Variants in MROH2B observed in about 807,000 individuals in gnomAD.
MROH2B encodes the protein maestro heat like repeat family member 2B.
MROH2B carries 177 observed loss-of-function variants against 208.6 expected under a neutral mutation model. That is an observed-to-expected ratio of 0.85 (90% CI 0.75 to 0.96). The LOEUF (loss-of-function observed/expected upper bound fraction) is 0.96, where lower values mean the gene tolerates loss of function less well. MROH2B is among the 40% of genes least tolerant of loss of function. The pLI, the probability that MROH2B is intolerant of heterozygous loss-of-function variation, is 0.00. For missense variants in MROH2B, 2,002 were observed against 1,878.7 expected (o/e 1.07, Z -1.21); for synonymous variants, 728 against 659.0 (o/e 1.10, Z -1.60).
At chr5:41,041,554 G>C (rs535190905) in intron 19 of MROH2B, among the ~76,000 whole-genome samples, 1 of 152,252 alleles carries the variant, frequency 6.6e-6, no homozygotes, top group East Asian at 1.9e-4. Context: ...AACCTGGGAG[G>C]CAGAGTTTGC....
At chr5:41,004,612 G>A in intron 36 of MROH2B, 84 bp from the exon 37 acceptor site, 1 of 1,513,224 alleles carries the variant, frequency 6.6e-7, no homozygotes, top group Non-Finnish European at 8.8e-7. Flanking sequence ...CAAGAGGACT[G>A]AAATTTTGTC....
chr5:41,013,628 C>A (rs888662401), intron 29 of MROH2B, among the ~76,000 whole-genome samples: 1 of 152,164 alleles, frequency 6.6e-6, no homozygotes. Context: ...GTTATTAGAT[C>A]AAAGGACTAT....
chr5:41,004,254 G>T, intron 37 of MROH2B, 92 bp downstream of exon 37: 1 of 1,430,616 alleles, frequency 7.0e-7, no homozygotes, highest in Non-Finnish European at 9.4e-7. Context: ...GAATATGGGT[G>T]GGACACTGAC....
In MROH2B at chr5:40,999,716, T is replaced by C. The variant is rs1741323497; in HGVS notation, c.4546A>G (p.Thr1516Ala). ...HTHSFTFFTSTWEVIRSAAVK... is the reference protein window; with the variant it reads ...HTHSFTFFTSAWEVIRSAAVK... ...GCTGCACTCCTGATCACCTCCCAGG[T>C]GCTGGTGAAGAAGGTGAAGGAGTGT... is the stretch of plus-strand genomic sequence containing the variant. Residue 1516 changes from threonine (T) to alanine (A), a missense_variant, in exon 40 of 42, where the codon ACC (threonine) becomes GCC (alanine). By Grantham distance (58) the Thr-to-Ala change is moderately conservative (BLOSUM62 0). Coordinates refer to ENST00000399564, the MANE Select transcript of MROH2B (RefSeq NM_173489.5). The C allele has an allele frequency of 6.2e-7, 1 of 1,613,534 alleles. No individual in the cohort carries two copies. Among genetic ancestry groups the C allele is most frequent in the Non-Finnish European group, 8.5e-7 (1 of 1,179,626 alleles).
chr5:41,047,040 A>G (rs1743143119), intron 17 of MROH2B, among the ~76,000 whole-genome samples: 1 of 147,370 alleles, frequency 6.8e-6, no homozygotes, highest in Non-Finnish European at 1.5e-5. Flanking sequence ...CTAAGAAGCC[A>G]TAGGTAATTC....
At chr5:41,003,951 T>G (rs1398033537) in intron 37 of MROH2B, among the ~76,000 whole-genome samples, 1 of 152,214 alleles carries the variant, frequency 6.6e-6, no homozygotes, top group Non-Finnish European at 1.5e-5. Flanking sequence ...GGCAAACGTT[T>G]TCTCTAAAAG....
In MROH2B at chr5:41,019,035, G is replaced by A; in HGVS notation, c.2442-17C>T. The A allele has an allele frequency of 6.2e-7, 1 of 1,613,722 alleles. No homozygotes were observed. Among genetic ancestry groups the A allele is most frequent in the Non-Finnish European group, 8.5e-7 (1 of 1,179,782 alleles). On this transcript the variant is annotated splice_polypyrimidine_tract_variant and intron_variant, in intron 24 of 41. Transcript: ENST00000399564. The stretch of plus-strand genomic sequence containing the variant: ...TTCAGTTTACTGAAATGAGAACCAG[G>A]TGGAGGAATGGATATTACAGTGACC...
intron 5 of MROH2B, among the ~76,000 whole-genome samples, chr5:41,064,251 T>C (rs1743728667): frequency 6.6e-6 from 1 of 152,180 alleles, no homozygotes; most frequent in African/African-American, 2.4e-5. Context: ...TTTTCCTCTA[T>C]ACAATGGGCA....
rs771180359 is a variant in MROH2B, at chr5:41,038,982, G to A, written c.2062-94C>T. ...CCTAATCCTGTGGACCACTATAGGG[G>A]ATAAGAAACTGGACTGGGATGATTC... On this transcript the variant is annotated intron_variant, in intron 20 of 41. Transcript: ENST00000399564. 2.4e-5 allele frequency: 27 copies of A among 1,130,666 alleles called. 1 individual carries two copies. In the Admixed American group the frequency reaches 2.8e-4, roughly 12 times the overall value. The allele number at this position is 1,130,666 out of a possible 1,614,324, so 70.0% of individuals were successfully genotyped here.
chr5:41,062,590 A>G (rs1477425268), intron 5 of MROH2B, among the ~76,000 whole-genome samples: 3 of 152,254 alleles, frequency 2.0e-5, no homozygotes, highest in Non-Finnish European at 4.4e-5. Context: ...CATGAAATGC[A>G]TAAAATAATA....
intron 29 of MROH2B, among the ~76,000 whole-genome samples, chr5:41,014,092 C>T (rs187824978): frequency 2.9e-4 from 44 of 152,238 alleles, no homozygotes; most frequent in East Asian, 7.7e-4. Context: ...ATATGAGCCC[C>T]GTCCTCAAGA....
intron 9 of MROH2B, among the ~76,000 whole-genome samples, chr5:41,056,819 A>G (rs185563103): frequency 4.1e-4 from 62 of 151,994 alleles, no homozygotes; most frequent in African/African-American, 1.4e-3. Flanking sequence ...AGGATTGTCA[A>G]CTCACTCCAG....
intron 2 of MROH2B, 28 bp downstream of exon 2, chr5:41,069,663 G>C: frequency 6.4e-7 from 1 of 1,554,730 alleles, no homozygotes; most frequent in Non-Finnish European, 8.8e-7. Context: ...CTGAAAAAGG[G>C]AAAAAGATTT....
rs190814013 is a variant in MROH2B, at chr5:41,026,353, T to C, written c.2441+6389A>G. Among the ~76,000 whole-genome samples the C allele has an allele frequency of 5.2e-3, 789 of 152,206 alleles. 10 individuals are homozygous for C. Among genetic ancestry groups the C allele is most frequent in the African/African-American group, 0.018 (729 of 41,532 alleles). On this transcript the variant is annotated intron_variant, in intron 24 of 41. Transcript: ENST00000399564. ...TTCAGCAAAGTCTCAGGATACAAAA[T>C]CAATGTGCAAAAATCACAAGCATTC...
chr5:41,045,001 G>A (rs929414867), intron 18 of MROH2B, among the ~76,000 whole-genome samples: 9 of 152,042 alleles, frequency 5.9e-5, no homozygotes, highest in African/African-American at 1.9e-4. Context: ...AGTATGGTGA[G>A]AATCCAGAGA....
At chr5:41,024,276 T>C (rs1742267711) in intron 24 of MROH2B, among the ~76,000 whole-genome samples, 1 of 152,136 alleles carries the variant, frequency 6.6e-6, no homozygotes, top group African/African-American at 2.4e-5. Context: ...CAGTGTGCTG[T>C]ATTCAGGAAA....
Position 41,033,041 on chromosome 5 carries a change from C to G in MROH2B, c.2361G>C (p.Leu787=). 6.2e-7 allele frequency: 1 copy of G among 1,612,882 alleles called. No individual in the cohort carries two copies. The highest frequency in any genetic ancestry group is 8.5e-7 in the Non-Finnish European group (1 of 1,179,210). Reference sequence around the variant, plus strand: ...TCTTATTCCCTCTCTGCACACTCACCAGCATGTAACCAATCAGCATCTCCT... The same window carrying G: ...TCTTATTCCCTCTCTGCACACTCACGAGCATGTAACCAATCAGCATCTCCT... ...SYKEMLIGYM[L]DFIRDEPLDS... The change falls in exon 23 of 42, where the codon CTG becomes CTC. Residue 787 remains leucine (L), a splice_region_variant and synonymous_variant. Transcript: ENST00000399564.
chr5:41,056,996 T>G, intron 9 of MROH2B, 113 bp downstream of exon 9: 2 of 1,021,124 alleles, frequency 2.0e-6, no homozygotes, highest in Non-Finnish European at 3.0e-6. Context: ...AAACAGTGTG[T>G]GTGTTTGTGT....
At chr5:41,037,293 C>T (rs1381237905) in intron 21 of MROH2B, among the ~76,000 whole-genome samples, 1 of 152,166 alleles carries the variant, frequency 6.6e-6, no homozygotes, top group Non-Finnish European at 1.5e-5. Flanking sequence ...TATGTTCAGG[C>T]TGGTCTCTAA....
Sources: gnomAD v4.1 joint callset for allele counts (sites outside exome capture counted in the v4.1 genomes callset) on GRCh38, gnomAD v4.1.1 for gene constraint, MANE v1.5 for transcripts, NCBI Gene and HGNC (gene_info 2026-07-23, HGNC 2026-07-21) for gene names.